Variants in SGCZ observed in about 807,000 individuals in gnomAD.
SGCZ encodes zeta-sarcoglycan.
In SGCZ, 40 loss-of-function variants were observed where a neutral mutation model predicts 41.3. That is an observed-to-expected ratio of 0.97 (90% CI 0.75 to 1.26). The LOEUF (loss-of-function observed/expected upper bound fraction) is 1.26, where lower values mean the gene tolerates loss of function less well. Ranked by LOEUF, SGCZ falls within the 50% of genes most tolerant of loss-of-function variation. The pLI is 0.00. For synonymous variants in SGCZ, 206 were observed against 137.5 expected (o/e 1.50, Z -3.49); for missense variants, 552 against 369.8 (o/e 1.49, Z -4.04).
intron 2 of SGCZ, among the ~76,000 whole-genome samples, chr8:14,337,661 C>T (rs1033525397): frequency 6.6e-6 from 1 of 151,944 alleles, no homozygotes; most frequent in African/African-American, 2.4e-5. Flanking sequence ...TGGGTAGGGT[C>T]GGAAAACCTA....
rs146829223 is a variant in SGCZ at position 14,779,044 on chromosome 8, A to C, written c.40-224118T>G. The stretch of plus-strand genomic sequence containing the variant: ...TACTATCCACACCAGTACTGTTAAC[A>C]ACAGCAAAAAGCTAAATACAACTCA... On this transcript the variant is annotated intron_variant, in intron 1 of 7. Transcript: ENST00000382080. 3.5e-3 allele frequency among the ~76,000 whole-genome samples: 529 copies of C among 152,330 alleles called. 4 individuals carry two copies. Among genetic ancestry groups the C allele is most frequent in the African/African-American group, 0.012 (504 of 41,582 alleles).
intron 3 of SGCZ, among the ~76,000 whole-genome samples, chr8:14,264,476 A>T (rs753718294): frequency 2.0e-5 from 3 of 152,118 alleles, no homozygotes; most frequent in Non-Finnish European, 4.4e-5. Flanking sequence ...GGAACAAAAC[A>T]TCCGCAGTAG....
At chr8:14,387,756 T>C (rs988818551) in intron 2 of SGCZ, among the ~76,000 whole-genome samples, 2 of 152,050 alleles carry the variant, frequency 1.3e-5, no homozygotes, top group Admixed American at 1.3e-4. Context: ...TTTATTATTG[T>C]TATTTACCAA....
At chr8:14,168,502 A>G (rs1011091258) in intron 4 of SGCZ, among the ~76,000 whole-genome samples, 4 of 151,954 alleles carry the variant, frequency 2.6e-5, no homozygotes, top group African/African-American at 9.7e-5. Context: ...GTCTCATGAG[A>G]TCTGATGGTT....
chr8:14,321,921 C>G (rs1436338053), intron 3 of SGCZ, among the ~76,000 whole-genome samples: 4 of 152,034 alleles, frequency 2.6e-5, no homozygotes, highest in African/African-American at 9.7e-5. Flanking sequence ...AACTTTCTAC[C>G]AAACTCACTT....
intron 2 of SGCZ, among the ~76,000 whole-genome samples, chr8:14,470,901 A>G (rs142580724): frequency 7.4e-4 from 113 of 152,238 alleles, no homozygotes; most frequent in Middle Eastern, 6.8e-3. Flanking sequence ...AAGTCGTGTT[A>G]ACAATTTTAC....
chr8:15,097,884 GTGTGTATATA>G (rs1563124093), intron 1 of SGCZ, among the ~76,000 whole-genome samples: 1,047 of 15,532 alleles, frequency 0.067, 30 homozygotes, highest in African/African-American at 0.18. Flanking sequence ...ATATATATAC[GTGTGTATATA>G]TATATATATA....
chr8:15,181,721 A>C (rs899666824), intron 1 of SGCZ, among the ~76,000 whole-genome samples: 1 of 152,344 alleles, frequency 6.6e-6, no homozygotes, highest in East Asian at 1.9e-4. Flanking sequence ...TCACTAACTG[A>C]ACAGTTGTTA....
chr8:15,137,552 C>A (rs778628980), intron 1 of SGCZ, among the ~76,000 whole-genome samples: 1 of 152,110 alleles, frequency 6.6e-6, no homozygotes, highest in African/African-American at 2.4e-5. Flanking sequence ...CTGCTGTGTG[C>A]AGCCTAGGGA....
chr8:14,270,458 C>G (rs939416373), intron 3 of SGCZ, among the ~76,000 whole-genome samples: 5 of 152,108 alleles, frequency 3.3e-5, no homozygotes, highest in African/African-American at 4.8e-5. Flanking sequence ...TTAAAATGAA[C>G]CGATACGGCT....
At chr8:14,221,712 G>C (rs189868865) in intron 4 of SGCZ, among the ~76,000 whole-genome samples, 262 of 152,280 alleles carry the variant, frequency 1.7e-3, no homozygotes, top group Middle Eastern at 6.8e-3. Flanking sequence ...GAGGAAGGCA[G>C]ATCACCTGAG....
intron 2 of SGCZ, among the ~76,000 whole-genome samples, chr8:14,532,244 T>C (rs910729701): frequency 3.1e-5 from 4 of 129,190 alleles, no homozygotes; most frequent in Non-Finnish European, 7.2e-5. Context: ...CCCCAGAATC[T>C]GAAAAAAAAA....
chr8:14,185,287 C>T (rs1013847533), intron 4 of SGCZ, among the ~76,000 whole-genome samples: 5 of 152,052 alleles, frequency 3.3e-5, no homozygotes, highest in Non-Finnish European at 7.4e-5. Flanking sequence ...GCCTGTAGTC[C>T]TAGCTACTCG....
intron 1 of SGCZ, among the ~76,000 whole-genome samples, chr8:14,639,258 A>T (rs1180219971): frequency 4.6e-5 from 7 of 151,542 alleles, no homozygotes; most frequent in African/African-American, 1.7e-4. Context: ...ACTCTTACTT[A>T]CCTTACCACT....
chr8:15,072,594 T>C (rs1264650007), intron 1 of SGCZ, among the ~76,000 whole-genome samples: 2 of 152,156 alleles, frequency 1.3e-5, no homozygotes, highest in African/African-American at 2.4e-5. Context: ...AAATTGGATA[T>C]AGAACATTAA....
chr8:14,413,812 T>C (rs532396449), intron 2 of SGCZ, among the ~76,000 whole-genome samples: 1 of 152,108 alleles, frequency 6.6e-6, no homozygotes, highest in South Asian at 2.1e-4. Context: ...TTCATACATA[T>C]ATGGTTTAGA....
chr8:14,154,770 A>C (rs3888260), intron 5 of SGCZ, among the ~76,000 whole-genome samples: 1 of 151,836 alleles, frequency 6.6e-6, no homozygotes, highest in Non-Finnish European at 1.5e-5. Flanking sequence ...TTACTCTTCT[A>C]ATACAGGCAC....
At chr8:14,244,172 TC>T (rs1798994678) in intron 3 of SGCZ, among the ~76,000 whole-genome samples, 1 of 150,678 alleles carries the variant, frequency 6.6e-6, no homozygotes, top group African/African-American at 2.4e-5. Flanking sequence ...TTCTTCCTCC[TC>T]CTCTTCCTTC....
In SGCZ at chr8:14,636,929, G is replaced by A. The variant is rs73521667; in HGVS notation, c.40-82003C>T. Reference sequence around the variant, plus strand: ...CTATCAAACCTTTTAAAATGTTTACGTTCCCTGACAATGGCAGCATTTAAC... The same window carrying A: ...CTATCAAACCTTTTAAAATGTTTACATTCCCTGACAATGGCAGCATTTAAC... On this transcript the variant is annotated intron_variant, in intron 1 of 7. Transcript: ENST00000382080. Among the ~76,000 whole-genome samples, 905 of 151,876 alleles carry A rather than the reference G, an allele frequency of 6.0e-3. 9 individuals are homozygous for A. Among genetic ancestry groups the A allele is most frequent in the African/African-American group, 0.02 (838 of 41,494 alleles).
Sources: gnomAD v4.1 joint callset for allele counts (sites outside exome capture counted in the v4.1 genomes callset) on GRCh38, gnomAD v4.1.1 for gene constraint, MANE v1.5 for transcripts, NCBI Gene and HGNC (gene_info 2026-07-23, HGNC 2026-07-21) for gene names.